Variants in COL23A1 observed in about 807,000 individuals in gnomAD.
COL23A1 encodes the protein collagen type XXIII alpha 1 chain.
In COL23A1, 97 loss-of-function variants were observed where a neutral mutation model predicts 99.3. The ratio of observed to expected loss-of-function variants is 0.98; its 90% CI spans 0.83 to 1.16. The LOEUF (loss-of-function observed/expected upper bound fraction) is 1.16, where lower values mean the gene tolerates loss of function less well. Ranked by LOEUF, COL23A1 falls within the 50% of genes most tolerant of loss-of-function variation. COL23A1 has a pLI of 0.00. For synonymous variants in COL23A1, 320 were observed against 308.2 expected (o/e 1.04, Z -0.40); for missense variants, 762 against 757.4 (o/e 1.01, Z -0.07).
At chr5:178,429,130 C>T (rs182353362) in intron 2 of COL23A1, among the ~76,000 whole-genome samples, 5 of 152,330 alleles carry the variant, frequency 3.3e-5, no homozygotes, top group African/African-American at 4.8e-5. Context: ...GGCATTTCAG[C>T]GCCTTTACAG....
intron 2 of COL23A1, among the ~76,000 whole-genome samples, chr5:178,469,512 TA>T (rs1756623601): frequency 6.6e-6 from 1 of 151,272 alleles, no homozygotes; most frequent in African/African-American, 2.4e-5. Context: ...GTTCCAAGAG[TA>T]GATGTTCGAT....
At chr5:178,574,457 A>T (rs1295319512) in intron 1 of COL23A1, among the ~76,000 whole-genome samples, 1 of 152,148 alleles carries the variant, frequency 6.6e-6, no homozygotes, top group Non-Finnish European at 1.5e-5. Context: ...GGAAATTCTC[A>T]GTGGAATCCC....
intron 2 of COL23A1, among the ~76,000 whole-genome samples, chr5:178,393,361 G>A (rs1764067918): frequency 6.6e-6 from 1 of 152,182 alleles, no homozygotes; most frequent in Admixed American, 6.5e-5. Flanking sequence ...GTAAATGGTG[G>A]GTGCCAGGGC....
Position 178,280,374 on chromosome 5 carries a change from C to G in COL23A1, c.441+7950G>C, listed in dbSNP as rs868665590. Among the ~76,000 whole-genome samples the G allele has an allele frequency of 1.1e-4, 17 of 152,092 alleles. No homozygotes were observed. The highest frequency in any genetic ancestry group is 6.5e-4 in the Admixed American group (10 of 15,270). ...TGTGCCCAACTCTGAAGCTCTCCTG[C>G]GTCATCTCCTTGGTTCCCCCAATAG... On this transcript the variant is annotated intron_variant, in intron 5 of 28. Coordinates refer to ENST00000390654, the MANE Select transcript of COL23A1 (RefSeq NM_173465.4). The surrounding 1 kb of genome is among the most constrained non-coding windows in gnomAD (Gnocchi z 4.9).
chr5:178,311,426 C>T (rs1326510686), intron 2 of COL23A1, among the ~76,000 whole-genome samples: 1 of 152,040 alleles, frequency 6.6e-6, no homozygotes, highest in Admixed American at 6.6e-5. Context: ...AAATAACTGG[C>T]TGCAGGGGCC....
intron 2 of COL23A1, among the ~76,000 whole-genome samples, chr5:178,318,075 C>CAA (rs991231350): frequency 6.6e-6 from 1 of 152,132 alleles, no homozygotes; most frequent in Non-Finnish European, 1.5e-5. Context: ...CAGGGAGGGA[C>CAA]AAAGAGAGCC....
At position 178,468,496 on chromosome 5, in the gene COL23A1, G is replaced by C. The variant is rs551184331; in HGVS notation, c.361+92186C>G. Among the ~76,000 whole-genome samples the C allele has an allele frequency of 1.3e-5, 2 of 152,074 alleles. No individual in the cohort carries two copies. The highest frequency in any genetic ancestry group is 2.9e-5 in the Non-Finnish European group (2 of 68,010). On this transcript the variant is annotated intron_variant, in intron 2 of 28. Coordinates refer to ENST00000390654, the MANE Select transcript of COL23A1 (RefSeq NM_173465.4). This position sits in a 1 kb window ranked among gnomAD's most constrained non-coding sequence, Gnocchi z 4.2. ...CTGCAGGGCACGAGATGATTATTTC[G>C]TTTCATCCTCACCCTGCCTCCCTCA... is the stretch of plus-strand genomic sequence containing the variant.
rs558364901 is a variant in COL23A1 at position 178,302,047 on chromosome 5, G to A, written c.406+4828C>T. ...CCACCTCTGTGTGTGCTGGAGCACG[G>A]CTTCAATGCTGCACCTCTGTGTGTG... On this transcript the variant is annotated intron_variant, in intron 3 of 28. Transcript: ENST00000390654. Among the ~76,000 whole-genome samples, 56 of 143,770 alleles carry A rather than the reference G, an allele frequency of 3.9e-4. 2 individuals carry two copies. Among genetic ancestry groups the A allele is most frequent in the African/African-American group, 1.3e-3 (48 of 37,790 alleles). The allele number at this position is 143,770 out of a possible 152,430, so 94.3% of individuals were successfully genotyped here.
chr5:178,357,404 C>A (rs546396804), intron 2 of COL23A1, among the ~76,000 whole-genome samples: 1 of 152,338 alleles, frequency 6.6e-6, no homozygotes, highest in Admixed American at 6.5e-5. Context: ...AGCCTCGACT[C>A]AGAGAACTCA....
rs564416615 is a variant in COL23A1 at position 178,415,663 on chromosome 5, G to A, written c.362-108744C>T. The stretch of plus-strand genomic sequence containing the variant: ...AGGGCAAGGGGACTGTGCGGGCGGC[G>A]GTGAGGTGGGCAGTCAGCAGACTGT... On this transcript the variant is annotated intron_variant, in intron 2 of 28. Coordinates refer to ENST00000390654, the MANE Select transcript of COL23A1 (RefSeq NM_173465.4). The surrounding 1 kb of genome is among the most constrained non-coding windows in gnomAD (Gnocchi z 4.6). Among the ~76,000 whole-genome samples the A allele has an allele frequency of 3.3e-5, 5 of 152,338 alleles. No individual in the cohort carries two copies. Among genetic ancestry groups the A allele is most frequent in the African/African-American group, 9.6e-5 (4 of 41,584 alleles).
At chr5:178,586,762 T>C (rs947596608) in intron 1 of COL23A1, among the ~76,000 whole-genome samples, 6 of 152,124 alleles carry the variant, frequency 3.9e-5, no homozygotes, top group Non-Finnish European at 8.8e-5. Flanking sequence ...AGTTGTGCCA[T>C]GGAATTCAAA....
intron 2 of COL23A1, among the ~76,000 whole-genome samples, chr5:178,520,522 T>C (rs1005077138): frequency 6.6e-6 from 1 of 152,104 alleles, no homozygotes; most frequent in Non-Finnish European, 1.5e-5. Flanking sequence ...GTGAAACATC[T>C]CTCAATGTGA....
chr5:178,294,788 G>C (rs561101179), intron 3 of COL23A1, among the ~76,000 whole-genome samples: 1 of 152,182 alleles, frequency 6.6e-6, no homozygotes, highest in African/African-American at 2.4e-5. Flanking sequence ...AGAGAGGTCT[G>C]ATCCAACCAC....
At chr5:178,414,825 A>G (rs1435573832) in intron 2 of COL23A1, among the ~76,000 whole-genome samples, 1 of 152,062 alleles carries the variant, frequency 6.6e-6, no homozygotes, top group African/African-American at 2.4e-5. Flanking sequence ...CTTCTCAGAA[A>G]CCCAACCCAG....
At chr5:178,283,182 G>A (rs929212220) in intron 5 of COL23A1, among the ~76,000 whole-genome samples, 1 of 152,088 alleles carries the variant, frequency 6.6e-6, no homozygotes, top group Non-Finnish European at 1.5e-5. Context: ...CACCGCGCCC[G>A]GCCGGGACAA....
chr5:178,487,703 G>A (rs930414834), intron 2 of COL23A1, among the ~76,000 whole-genome samples: 1 of 152,126 alleles, frequency 6.6e-6, no homozygotes, highest in Non-Finnish European at 1.5e-5. Flanking sequence ...ATGGATAAGT[G>A]ACAGTGGAGG....
intron 1 of COL23A1, among the ~76,000 whole-genome samples, chr5:178,573,616 A>G (rs1248427280): frequency 6.6e-6 from 1 of 152,246 alleles, no homozygotes; most frequent in Non-Finnish European, 1.5e-5. Flanking sequence ...ATTCACATTC[A>G]TTATTTTTTA....
chr5:178,284,289 C>T (rs901066164), intron 5 of COL23A1, among the ~76,000 whole-genome samples: 1 of 152,176 alleles, frequency 6.6e-6, no homozygotes, highest in Non-Finnish European at 1.5e-5. Context: ...TTACACAAAC[C>T]TTATCAAAAC....
intron 2 of COL23A1, among the ~76,000 whole-genome samples, chr5:178,552,367 T>G (rs1562082751): frequency 6.6e-6 from 1 of 152,050 alleles, no homozygotes; most frequent in Non-Finnish European, 1.5e-5. Context: ...GCCTCCAGAG[T>G]ATTCTCGTGC....
Sources: gnomAD v4.1 joint callset for allele counts (sites outside exome capture counted in the v4.1 genomes callset) on GRCh38, gnomAD v4.1.1 for gene constraint, Gnocchi (gnomAD v3.1) non-coding constraint, MANE v1.5 for transcripts, NCBI Gene and HGNC (gene_info 2026-07-23, HGNC 2026-07-21) for gene names.